PPP1R1C: variants seen among roughly 807,000 people sequenced by gnomAD.
PPP1R1C encodes the protein protein phosphatase 1 regulatory inhibitor subunit 1C.
Under a neutral mutation model 17.4 loss-of-function variants are expected in PPP1R1C, and 15 were observed. That is an observed-to-expected ratio of 0.86 (90% CI 0.58 to 1.33). The LOEUF (loss-of-function observed/expected upper bound fraction) is 1.33, where lower values mean the gene tolerates loss of function less well. PPP1R1C is among the 40% of genes most tolerant of loss of function. The pLI is 0.00. For synonymous variants in PPP1R1C, 35 were observed against 43.1 expected (o/e 0.81, Z 0.73); for missense variants, 143 against 130.0 (o/e 1.10, Z -0.48).
chr2:182,071,242 T>C (rs1574427279), intron 4 of PPP1R1C, among the ~76,000 whole-genome samples: 1 of 152,214 alleles, frequency 6.6e-6, no homozygotes, highest in Non-Finnish European at 1.5e-5. Flanking sequence ...CTTAGGCTCC[T>C]CTGGGATGTG....
At chr2:182,112,893 T>G (rs2125235412) in intron 4 of PPP1R1C, among the ~76,000 whole-genome samples, 1 of 152,326 alleles carries the variant, frequency 6.6e-6, no homozygotes, top group South Asian at 2.1e-4. Flanking sequence ...ATAAATCTAT[T>G]TACATTTGCT....
At chr2:182,111,447 C>T (rs755044483) in intron 4 of PPP1R1C, among the ~76,000 whole-genome samples, 88 of 152,046 alleles carry the variant, frequency 5.8e-4, no homozygotes, top group Non-Finnish European at 1.1e-3. Flanking sequence ...ATATAATTTA[C>T]GTCAAATAAA....
chr2:181,989,027 G>A (rs1685381833), intron 2 of PPP1R1C, among the ~76,000 whole-genome samples: 1 of 152,150 alleles, frequency 6.6e-6, no homozygotes, highest in African/African-American at 2.4e-5. Context: ...CAAATGATAT[G>A]TAATTATAAT....
chr2:182,106,468 C>T (rs866531658), intron 4 of PPP1R1C, among the ~76,000 whole-genome samples: 13 of 152,254 alleles, frequency 8.5e-5, no homozygotes, highest in Middle Eastern at 3.4e-3. Flanking sequence ...GGGTGGTGGT[C>T]GGACGAGAGC....
intron 1 of PPP1R1C, among the ~76,000 whole-genome samples, chr2:181,974,872 TA>T (rs1469188056): frequency 1.3e-5 from 2 of 152,194 alleles, no homozygotes; most frequent in Non-Finnish European, 2.9e-5. Context: ...ATACATATTT[TA>T]AAGTGCTTCA....
intron 4 of PPP1R1C, among the ~76,000 whole-genome samples, chr2:182,099,183 T>G (rs935199647): frequency 1.3e-5 from 2 of 152,186 alleles, no homozygotes; most frequent in African/African-American, 4.8e-5. Context: ...GGGCAACTCA[T>G]GTAATCTTCA....
intron 4 of PPP1R1C, among the ~76,000 whole-genome samples, chr2:182,103,184 CAAGTT>C (rs1689149775): frequency 6.6e-6 from 1 of 152,046 alleles, no homozygotes; most frequent in Non-Finnish European, 1.5e-5. Flanking sequence ...AAAAAAATCT[CAAGTT>C]AGTGATACTT....
chr2:181,999,911 C>G (rs1685712862), intron 2 of PPP1R1C, among the ~76,000 whole-genome samples: 1 of 152,090 alleles, frequency 6.6e-6, no homozygotes, highest in South Asian at 2.1e-4. Flanking sequence ...AAATCATTAT[C>G]TTGACTTAAA....
In PPP1R1C at chr2:181,967,317, G is replaced by T. The variant is rs192042863; in HGVS notation, n.112-7902G>T. On this transcript the variant is annotated intron_variant and non_coding_transcript_variant, in intron 1 of 5. Transcript: ENST00000464264. This position sits in a 1 kb window ranked among gnomAD's most constrained non-coding sequence, Gnocchi z 5.5. Reference sequence around the variant, plus strand: ...TTATTTCTGCTCTGATACCTGTGGGGTTTTTTTTCTTGTACTAATTTTGGG... The same window carrying T: ...TTATTTCTGCTCTGATACCTGTGGGTTTTTTTTTCTTGTACTAATTTTGGG... 0.016 allele frequency among the ~76,000 whole-genome samples: 2,489 copies of T among 151,506 alleles called. 19 individuals carry two copies. The highest frequency in any genetic ancestry group is 0.041 in the Middle Eastern group (12 of 294).
intron 2 of PPP1R1C, among the ~76,000 whole-genome samples, chr2:182,044,513 C>T (rs1687283842): frequency 6.6e-6 from 1 of 152,170 alleles, no homozygotes; most frequent in African/African-American, 2.4e-5. Flanking sequence ...AACTTCCTTG[C>T]CCACTCACCT....
intron 2 of PPP1R1C, among the ~76,000 whole-genome samples, chr2:182,024,526 T>C (rs1686531809): frequency 6.6e-6 from 1 of 152,056 alleles, no homozygotes; most frequent in Non-Finnish European, 1.5e-5. Flanking sequence ...TTATTTGAAA[T>C]TTACTAACTT....
At chr2:182,008,683 G>A (rs1331795152) in intron 2 of PPP1R1C, among the ~76,000 whole-genome samples, 5 of 152,058 alleles carry the variant, frequency 3.3e-5, no homozygotes, top group African/African-American at 9.7e-5. Flanking sequence ...AAATATTCTC[G>A]TTATACCATT....
At chr2:181,993,794 C>A (rs1685534512) in intron 2 of PPP1R1C, among the ~76,000 whole-genome samples, 1 of 151,920 alleles carries the variant, frequency 6.6e-6, no homozygotes, top group South Asian at 2.1e-4. Flanking sequence ...ATAGCCCAAT[C>A]AGTTGGAATA....
chr2:182,102,300 A>G (rs929398638), intron 4 of PPP1R1C, among the ~76,000 whole-genome samples: 8 of 152,206 alleles, frequency 5.3e-5, no homozygotes, highest in Non-Finnish European at 2.9e-5. Context: ...AGCCCTAGTC[A>G]AAGGGCCTTT....
intron 4 of PPP1R1C, among the ~76,000 whole-genome samples, chr2:182,070,197 A>T (rs1247126998): frequency 6.6e-6 from 1 of 152,220 alleles, no homozygotes; most frequent in Middle Eastern, 3.2e-3. Flanking sequence ...ATAAGTCTGG[A>T]GAGTAAAATG....
rs1240274252 is a variant in PPP1R1C at position 182,110,587 on chromosome 2, G to T, written c.242-6620G>T. On this transcript the variant is annotated intron_variant, in intron 4 of 4. Transcript: ENST00000682840. ...GGAAGTACCCTGCCCAGAGGACAGA[G>T]CCTTTAAAATGCCAGCACAGGATGT... 2.0e-5 allele frequency among the ~76,000 whole-genome samples: 3 copies of T among 152,250 alleles called. No individual in the cohort carries two copies. The East Asian group carries it at 5.8e-4, about 29-fold the overall frequency.
chr2:181,999,607 T>G (rs1685703149), intron 2 of PPP1R1C, among the ~76,000 whole-genome samples: 1 of 152,180 alleles, frequency 6.6e-6, no homozygotes, highest in African/African-American at 2.4e-5. Context: ...CTTGGCCATG[T>G]GAGATTCTGT....
At chr2:182,120,024 G>A (rs1196946799), downstream of PPP1R1C, among the ~76,000 whole-genome samples, 2 of 152,136 alleles carry the variant, frequency 1.3e-5, no homozygotes, top group Admixed American at 1.3e-4. Context: ...TTCTTCTAGG[G>A]TTTTTATGGT....
intron 4 of PPP1R1C, among the ~76,000 whole-genome samples, chr2:182,106,074 A>T (rs182516032): frequency 6.6e-6 from 1 of 152,084 alleles, no homozygotes; most frequent in Non-Finnish European, 1.5e-5. Context: ...GTGTGTTTTC[A>T]TATCATTTTC....
Sources: gnomAD v4.1 joint callset for allele counts (sites outside exome capture counted in the v4.1 genomes callset) on GRCh38, gnomAD v4.1.1 for gene constraint, Gnocchi (gnomAD v3.1) non-coding constraint, MANE v1.5 for transcripts, NCBI Gene and HGNC (gene_info 2026-07-23, HGNC 2026-07-21) for gene names.